The following POLR2F variants were observed in gnomAD, a reference collection of about 807,000 sequenced individuals.
The protein encoded by POLR2F is DNA-directed RNA polymerases I, II, and III subunit RPABC2.
In POLR2F, 12 loss-of-function variants were observed where a neutral mutation model predicts 22.7. The observed-to-expected ratio is 0.53, with a 90% confidence interval of 0.34 to 0.86. POLR2F has a LOEUF of 0.86. Ranked by LOEUF, POLR2F falls within the 40% of genes least tolerant of loss-of-function variation. The probability of loss-of-function intolerance (pLI) is 0.02; values close to 1 mark genes in which losing one functional copy is unlikely to be tolerated. For synonymous variants in POLR2F, 57 were observed against 66.0 expected (o/e 0.86, Z 0.66); for missense variants, 126 against 171.5 (o/e 0.73, Z 1.48).
At chr22:38,039,955 C>T (rs982071987) in intron 5 of POLR2F, among the ~76,000 whole-genome samples, 1 of 152,070 alleles carries the variant, frequency 6.6e-6, no homozygotes, top group Non-Finnish European at 1.5e-5. Context: ...TCTCAAGAGA[C>T]AGTAAAAGTT....
chr22:37,982,628 C>T (rs563137983), upstream of POLR2F, among the ~76,000 whole-genome samples: 2 of 151,956 alleles, frequency 1.3e-5, no homozygotes, highest in African/African-American at 2.4e-5. Flanking sequence ...GGTTGCTCAA[C>T]GTTGGGGTGG....
intron 4 of POLR2F, 46 bp downstream of exon 4, chr22:37,967,216 C>T (rs377070225): frequency 1.9e-6 from 3 of 1,599,300 alleles, no homozygotes; most frequent in Non-Finnish European, 2.6e-6. Flanking sequence ...CTCTGGGAGG[C>T]ATCTGTTGGG....
downstream of POLR2F, chr22:38,041,217 C>A: frequency 6.5e-7 from 1 of 1,543,508 alleles, no homozygotes; most frequent in Non-Finnish European, 8.9e-7. Flanking sequence ...GATGTGAGGA[C>A]ACGGTCTAGA....
Position 38,016,853 on chromosome 22 carries a change from C to T in POLR2F, c.121-9016C>T, listed in dbSNP as rs2084920236. 6.6e-6 allele frequency among the ~76,000 whole-genome samples: 1 copy of T among 151,596 alleles called. No individual in the cohort carries two copies. Among genetic ancestry groups the T allele is most frequent in the African/African-American group, 2.4e-5 (1 of 41,304 alleles). On this transcript the variant is annotated intron_variant, in intron 1 of 2. Coordinates refer to the POLR2F transcript ENST00000333418. This position sits in a 1 kb window ranked among gnomAD's most constrained non-coding sequence, Gnocchi z 4.4. ...AGAAGGAAAAAAAAAAAGATACAAG[C>T]TGGGGAGGGAAGAGGAGGGCAGAAA...
At chr22:37,998,884 C>T (rs951487026) in intron 1 of POLR2F, among the ~76,000 whole-genome samples, 1 of 151,892 alleles carries the variant, frequency 6.6e-6, no homozygotes, top group Admixed American at 6.6e-5. Context: ...GGGGCTGAGA[C>T]GGAGATGTCA....
intron 1 of POLR2F, among the ~76,000 whole-genome samples, chr22:38,003,731 C>T (rs2084795874): frequency 6.6e-6 from 1 of 151,852 alleles, no homozygotes; most frequent in African/African-American, 2.4e-5. Flanking sequence ...TGCGCGCCAC[C>T]ATGCCCAGCT....
upstream of POLR2F, among the ~76,000 whole-genome samples, chr22:37,982,878 ACT>A (rs1228593443): frequency 6.6e-6 from 1 of 151,694 alleles, no homozygotes; most frequent in Non-Finnish European, 1.5e-5. Flanking sequence ...TCTTCCAAAG[ACT>A]CTCATCTGAA....
In POLR2F at chr22:37,969,259, C is replaced by G. The variant is rs1274645399; in HGVS notation, c.*1544C>G. The G allele has an allele frequency of 1.0e-6, 1 of 985,288 alleles. No individual in the cohort carries two copies. The highest frequency in any genetic ancestry group is 1.7e-5 in the African/African-American group (1 of 57,354). 61.0% of individuals were successfully genotyped at this position (985,288 alleles called of 1,614,324 possible). A position where few individuals can be genotyped will look rare whatever the true frequency, so the allele number is the denominator to read the frequency against. On this transcript the variant is annotated 3_prime_UTR_variant, in exon 5 of 5. Coordinates refer to ENST00000442738, the MANE Select transcript of POLR2F (RefSeq NM_021974.5). ...CTCTTTTGGGGAGTCCCCTGCTATT[C>G]AGCTGTCTGGGCCTGGCTTTTGACT...
chr22:37,983,635 C>G, upstream of POLR2F: 1 of 1,601,866 alleles, frequency 6.2e-7, no homozygotes, highest in Non-Finnish European at 8.5e-7. The surrounding 1 kb of genome is among the most constrained non-coding windows in gnomAD (Gnocchi z 9.5). Context: ...CCTTGCCCAG[C>G]TCGCCTGGCC....
rs188669793 is a variant in POLR2F, at chr22:38,013,700, G to C, written c.121-12169G>C. 5.0e-4 allele frequency among the ~76,000 whole-genome samples: 76 copies of C among 152,122 alleles called. 1 individual carries two copies. In the East Asian group the frequency reaches 8.3e-3, roughly 17 times the overall value. On this transcript the variant is annotated intron_variant, in intron 1 of 2. Transcript: ENST00000333418. ...CCTCATTCTCTCTCCACATTCTTCT[G>C]TTTCATTCTGACATATTTATAATAC...
At chr22:38,024,221 T>C (rs1430865198) in intron 1 of POLR2F, among the ~76,000 whole-genome samples, 1 of 152,176 alleles carries the variant, frequency 6.6e-6, no homozygotes, top group Non-Finnish European at 1.5e-5. Flanking sequence ...ATTTCTAGTT[T>C]ATTTCACTTA....
intron 3 of POLR2F, among the ~76,000 whole-genome samples, chr22:37,961,430 G>T (rs1446857284): frequency 6.6e-6 from 1 of 152,144 alleles, no homozygotes; most frequent in African/African-American, 2.4e-5. Context: ...CAGCTTGAAA[G>T]CACGCTAGAG....
chr22:38,041,444 C>A, downstream of POLR2F: 1 of 327,940 alleles, frequency 3.0e-6, no homozygotes, highest in Non-Finnish European at 5.7e-6. Context: ...GCTCATGGGG[C>A]AAGTGGAAGG....
intron 4 of POLR2F, chr22:37,977,823 C>G (rs1187587983): frequency 1.9e-6 from 3 of 1,581,096 alleles, no homozygotes; most frequent in East Asian, 4.5e-5. Context: ...CCTGTCTCCA[C>G]TGACTGGCCT....
At chr22:38,024,748 A>G (rs1195887353) in intron 1 of POLR2F, among the ~76,000 whole-genome samples, 1 of 152,076 alleles carries the variant, frequency 6.6e-6, no homozygotes, top group African/African-American at 2.4e-5. Context: ...GTCTGGCCGA[A>G]GTGCAGGGAA....
chr22:37,964,673 G>A (rs1931785754), intron 3 of POLR2F, among the ~76,000 whole-genome samples: 1 of 150,120 alleles, frequency 6.7e-6, no homozygotes. Context: ...CTGGGTTCAA[G>A]GAATTCTCCA....
chr22:38,041,859 T>C (rs1483807382), downstream of POLR2F: 1 of 152,188 alleles, frequency 6.6e-6, no homozygotes, highest in Non-Finnish European at 1.5e-5. Context: ...ATGCTCTAAC[T>C]GTATGAATTG....
intron 5 of POLR2F, among the ~76,000 whole-genome samples, chr22:38,039,081 G>A (rs974694829): frequency 6.6e-6 from 1 of 152,170 alleles, no homozygotes; most frequent in Non-Finnish European, 1.5e-5. Context: ...CATTTCCCGC[G>A]GCCCTTGCCT....
intron 1 of POLR2F, among the ~76,000 whole-genome samples, chr22:37,993,070 T>G (rs1932754023): frequency 6.6e-6 from 1 of 151,476 alleles, no homozygotes; most frequent in South Asian, 2.1e-4. Context: ...GTGGGGAAGG[T>G]GGAGGGAAGG....
Sources: gnomAD v4.1 joint callset for allele counts (sites outside exome capture counted in the v4.1 genomes callset) on GRCh38, gnomAD v4.1.1 for gene constraint, Gnocchi (gnomAD v3.1) non-coding constraint, MANE v1.5 for transcripts, NCBI Gene and HGNC (gene_info 2026-07-23, HGNC 2026-07-21) for gene names.